ZNF576: variants seen among roughly 807,000 people sequenced by gnomAD.
ZNF576 encodes zinc finger protein 576.
A neutral mutation model predicts 10.8 loss-of-function variants in ZNF576; 9 were observed. The observed-to-expected ratio is 0.84, with a 90% confidence interval of 0.50 to 1.46. The LOEUF (loss-of-function observed/expected upper bound fraction) is 1.46, where lower values mean the gene tolerates loss of function less well. Ranked by LOEUF, ZNF576 falls within the 40% of genes most tolerant of loss-of-function variation. The probability of loss-of-function intolerance (pLI) is 0.00; values close to 1 mark genes in which losing one functional copy is unlikely to be tolerated. For synonymous variants in ZNF576, 88 were observed against 89.6 expected (o/e 0.98, Z 0.10); for missense variants, 191 against 233.7 (o/e 0.82, Z 1.19).
intron 2 of ZNF576, 96 bp downstream of exon 2, chr19:43,597,289 T>A: frequency 8.7e-7 from 1 of 1,150,924 alleles, no homozygotes; most frequent in Non-Finnish European, 1.3e-6. Flanking sequence ...GCCACAGAGT[T>A]TTGCCTGTTG....
chr19:43,596,965 A>C (rs1385170390), intron 1 of ZNF576, 129 bp from the exon 2 acceptor site: 1 of 663,886 alleles, frequency 1.5e-6, no homozygotes, highest in Non-Finnish European at 2.6e-6. Flanking sequence ...TCAAGGAGAT[A>C]GTATGTCGTA....
chr19:43,597,633 A>C (rs958797212), intron 2 of ZNF576: 2 of 173,808 alleles, frequency 1.2e-5, no homozygotes, highest in Admixed American at 1.1e-4. Context: ...GGGGAAAGCT[A>C]GGGGTTAATG....
In ZNF576 at chr19:43,598,847, G is replaced by A. The variant is rs367617222; in HGVS notation, c.102G>A (p.Pro34=). 18 of 1,562,480 alleles carry A rather than the reference G, an allele frequency of 1.2e-5. No individual in the cohort carries two copies. The highest frequency in any genetic ancestry group is 3.9e-4 in the Middle Eastern group (2 of 5,148). ...PGGNICHLGA[P]KCTRCLITFA... The stretch of plus-strand genomic sequence containing the variant: ...ATTCCTCAGGCCACCTGGGGGCCCC[G>A]AAGTGCACCCGCTGCCTCATCACCT... Residue 34 remains proline, a synonymous_variant, in exon 3 of 3, where the codon CCG becomes CCA. Transcript: ENST00000336564.
chr19:43,598,717 T>C (rs768097174), intron 2 of ZNF576, 114 bp from the exon 3 acceptor site: 8 of 892,642 alleles, frequency 9.0e-6, no homozygotes, highest in East Asian at 2.5e-5. Context: ...AGCATTAGCA[T>C]AGAACCTAGC....
intron 2 of ZNF576, among the ~76,000 whole-genome samples, chr19:43,597,851 A>T (rs1973165593): frequency 6.6e-6 from 1 of 152,182 alleles, no homozygotes; most frequent in African/African-American, 2.4e-5. Context: ...GCCAGAGACT[A>T]CCAGGAACAC....
At chr19:43,598,739 T>A in intron 2 of ZNF576, 92 bp from the exon 3 acceptor site, 1 of 1,049,124 alleles carries the variant, frequency 9.5e-7, no homozygotes, top group East Asian at 2.4e-5. Flanking sequence ...CATAACACAT[T>A]CAATGTTAAT....
rs774736653 is a variant in ZNF576, at chr19:43,599,159, C to T, written c.414C>T (p.Ala138=). Residue 138 remains alanine, a synonymous_variant, in exon 3 of 3, where the codon GCC becomes GCT. Coordinates refer to ENST00000336564, the MANE Select transcript of ZNF576 (RefSeq NM_001145347.2). The part of the protein sequence containing the change: ...RRHRQMHEVR[A]PPGTFACTEC... ...ACCGCCAGATGCATGAGGTCCGTGCCCCTCCTGGCACCTTCGCCTGCACAG... is the reference window on the plus strand; with the variant it reads ...ACCGCCAGATGCATGAGGTCCGTGCTCCTCCTGGCACCTTCGCCTGCACAG... 2.0e-5 allele frequency: 33 copies of T among 1,614,240 alleles called. No individual in the cohort carries two copies. The highest frequency in any genetic ancestry group is 3.3e-4 in the Middle Eastern group (2 of 6,062).
Position 43,598,934 on chromosome 19 carries a change from C to T in ZNF576, c.189C>T (p.Ala63=). The T allele has an allele frequency of 1.2e-6, 2 of 1,613,858 alleles. No individual in the cohort carries two copies. The highest frequency in any genetic ancestry group is 1.7e-6 in the Non-Finnish European group (2 of 1,179,818). The part of the protein sequence containing the change: ...MKREHPADFV[A]QKLQGVLFIC... ...GGGAGCACCCAGCGGACTTCGTGGC[C>T]CAGAAGCTGCAGGGGGTCCTCTTCA... The change falls in exon 3 of 3, where the codon GCC becomes GCT. Residue 63 remains alanine, a synonymous_variant. Coordinates refer to ENST00000336564, the MANE Select transcript of ZNF576 (RefSeq NM_001145347.2).
chr19:43,599,212 C>G lies in ZNF576; in HGVS notation c.467C>G (p.Ala156Gly). The G allele has an allele frequency of 1.2e-6, 2 of 1,614,234 alleles. No homozygotes were observed. Among genetic ancestry groups the G allele is most frequent in the Non-Finnish European group, 1.7e-6 (2 of 1,180,048 alleles). Residue 156 changes from alanine to glycine, a missense_variant, in exon 3 of 3, where the codon GCA becomes GGA. By Grantham distance (60) the Ala-to-Gly change is moderately conservative. Transcript: ENST00000336564. ...TGCGGTCAGGACTTTGCTCAGGAAG[C>G]AGGGCTGCATCAACACTACATTCGG... ...TECGQDFAQE[A>G]GLHQHYIRHA... is the part of the protein sequence containing the mutation.
At chr19:43,597,001 C>A in intron 1 of ZNF576, 93 bp from the exon 2 acceptor site, 1 of 994,726 alleles carries the variant, frequency 1.0e-6, no homozygotes, top group Non-Finnish European at 1.6e-6. Flanking sequence ...CAAGGAGAGC[C>A]TCTGGCGATG....
intron 2 of ZNF576, 132 bp downstream of exon 2, chr19:43,597,325 C>T: frequency 1.3e-6 from 1 of 752,942 alleles, no homozygotes. Flanking sequence ...GGTCCCTGAG[C>T]TGCTCTAGCA....
chr19:43,599,182 C>T lies in ZNF576; in HGVS notation c.437C>T (p.Thr146Ile), dbSNP rs1230373284. The T allele has an allele frequency of 6.2e-7, 1 of 1,614,264 alleles. No homozygotes were observed. The highest frequency in any genetic ancestry group is 8.5e-7 in the Non-Finnish European group (1 of 1,180,046). ...GCCCCTCCTGGCACCTTCGCCTGCA[C>T]AGAGTGCGGTCAGGACTTTGCTCAG... ...VRAPPGTFACTECGQDFAQEA... is the reference protein window; with the variant it reads ...VRAPPGTFACIECGQDFAQEA... The change falls in exon 3 of 3, where the codon ACA becomes ATA. Residue 146 changes from threonine to isoleucine, a missense_variant. Coordinates refer to ENST00000336564, the MANE Select transcript of ZNF576 (RefSeq NM_001145347.2).
chr19:43,599,007 A>G lies in ZNF576; in HGVS notation c.262A>G (p.Thr88Ala). ...CTTCCCCTCCTCCAAAGCCCTAATC[A>G]CCCACCAGCGCAGCCACGGTCCAGC... ...RSFPSSKALI[T>A]HQRSHGPAAK... Residue 88 changes from threonine (T) to alanine (A), a missense_variant, in exon 3 of 3, where the codon ACC becomes GCC. Coordinates refer to ENST00000336564, the MANE Select transcript of ZNF576 (RefSeq NM_001145347.2). The G allele has an allele frequency of 1.2e-6, 2 of 1,613,738 alleles. No individual in the cohort carries two copies. The highest frequency in any genetic ancestry group is 1.7e-6 in the Non-Finnish European group (2 of 1,179,908).
rs1397413161 is a variant in ZNF576, at chr19:43,599,243, C to G, written c.498C>G (p.Ala166=). The G allele has an allele frequency of 1.2e-6, 2 of 1,613,104 alleles. No homozygotes were observed. The highest frequency in any genetic ancestry group is 2.7e-5 in the African/African-American group (2 of 74,906). ...AGLHQHYIRH[A]RGEL ...TGCATCAACACTACATTCGGCATGC[C>G]CGGGGGGAGCTCTGAGTGCAGCTTA... is the stretch of plus-strand genomic sequence containing the variant. Residue 166 remains alanine, a synonymous_variant, in exon 3 of 3, where the codon GCC becomes GCG. Coordinates refer to ENST00000336564, the MANE Select transcript of ZNF576 (RefSeq NM_001145347.2).
Position 43,600,938 on chromosome 19 carries a change from G to C in ZNF576, c.*1680G>C, listed in dbSNP as rs1305902279. ...CAGCCATCTCAGACCATAAGGATAA[G>C]AGCAACACGTGGGAAGACAGAGCAA... On this transcript the variant is annotated 3_prime_UTR_variant, in exon 3 of 3. Coordinates refer to ENST00000336564, the MANE Select transcript of ZNF576 (RefSeq NM_001145347.2). 4.6e-5 allele frequency: 7 copies of C among 152,164 alleles called. No homozygotes were observed. The highest frequency in any genetic ancestry group is 4.6e-4 in the Admixed American group (7 of 15,264). The allele number at this position is 152,164 out of a possible 1,614,324, so 9.4% of individuals were successfully genotyped here.
intron 2 of ZNF576, among the ~76,000 whole-genome samples, chr19:43,598,524 C>T (rs1423320898): frequency 1.3e-5 from 2 of 152,160 alleles, no homozygotes; most frequent in African/African-American, 2.4e-5. Flanking sequence ...CAGTCTGGCT[C>T]CAAAGGCTGT....
Position 43,598,920 on chromosome 19 carries a change from G to A in ZNF576, c.175G>A (p.Ala59Thr), listed in dbSNP as rs1187966323. 1.2e-6 allele frequency: 2 copies of A among 1,613,480 alleles called. No individual in the cohort carries two copies. Among genetic ancestry groups the A allele is most frequent in the Non-Finnish European group, 1.7e-6 (2 of 1,179,562 alleles). ...QERHMKREHP[A>T]DFVAQKLQGV... Reference sequence around the variant, plus strand: ...GCGTCACATGAAGCGGGAGCACCCAGCGGACTTCGTGGCCCAGAAGCTGCA... The same window carrying A: ...GCGTCACATGAAGCGGGAGCACCCAACGGACTTCGTGGCCCAGAAGCTGCA... The change falls in exon 3 of 3, where the codon GCG becomes ACG. Residue 59 changes from alanine to threonine, a missense_variant. Ala to Thr is a moderately conservative substitution (Grantham distance 58, BLOSUM62 0). Transcript: ENST00000336564.
Position 43,599,534 on chromosome 19 carries a change from G to A in ZNF576, c.*276G>A, listed in dbSNP as rs1170398248. ...GGAGTGCGGGAGAGAAATGGTTTGTGTCTCCCTTATTCCCAGTTAAATACC... is the reference window on the plus strand; with the variant it reads ...GGAGTGCGGGAGAGAAATGGTTTGTATCTCCCTTATTCCCAGTTAAATACC... On this transcript the variant is annotated 3_prime_UTR_variant, in exon 3 of 3. Transcript: ENST00000336564. The A allele has an allele frequency of 8.7e-6, 4 of 460,302 alleles. No individual in the cohort carries two copies. The highest frequency in any genetic ancestry group is 1.5e-5 in the Non-Finnish European group (4 of 258,316). The allele number at this position is 460,302 out of a possible 1,614,324, so 28.5% of individuals were successfully genotyped here.
chr19:43,600,596 A>G lies in ZNF576; in HGVS notation c.*1338A>G, dbSNP rs2146107265. On this transcript the variant is annotated 3_prime_UTR_variant, in exon 3 of 3. Transcript: ENST00000336564. ...CTGGGCACAGTGGCTCACGCCTGTA[A>G]TCCCAGCACTTTGTGAGGCTGAGGC... The G allele has an allele frequency of 6.6e-6, 1 of 152,374 alleles. No homozygotes were observed. Among genetic ancestry groups the G allele is most frequent in the South Asian group, 2.1e-4 (1 of 4,830 alleles). The allele number at this position is 152,374 out of a possible 1,614,324, so 9.4% of individuals were successfully genotyped here. A position where few individuals can be genotyped will look rare whatever the true frequency, so the allele number is the denominator to read the frequency against.
Sources: gnomAD v4.1 joint callset for allele counts (sites outside exome capture counted in the v4.1 genomes callset) on GRCh38, gnomAD v4.1.1 for gene constraint, MANE v1.5 for transcripts, NCBI Gene and HGNC (gene_info 2026-07-23, HGNC 2026-07-21) for gene names.